The following ST6GALNAC3 variants were observed in gnomAD, a reference collection of about 807,000 sequenced individuals.
ST6GALNAC3 encodes ST6 N-acetylgalactosaminide alpha-2,6-sialyltransferase 3, also known as alpha-N-acetylgalactosaminide alpha-2,6-sialyltransferase 3.
A neutral mutation model predicts 32.7 loss-of-function variants in ST6GALNAC3; 25 were observed. The ratio of observed to expected loss-of-function variants is 0.76; its 90% CI spans 0.56 to 1.07. The LOEUF (loss-of-function observed/expected upper bound fraction) is 1.07. Among genes scored for constraint, ST6GALNAC3 ranks in the 50% least tolerant of loss-of-function variants. ST6GALNAC3 has a pLI of 0.00. For synonymous variants in ST6GALNAC3, 129 were observed against 133.1 expected, an observed-to-expected ratio of 0.97 and a Z score of 0.21; for missense variants, 355 against 382.4, an observed-to-expected ratio of 0.93 and a Z score of 0.60.
chr1:76,101,497 G>A (rs1363977592), intron 1 of ST6GALNAC3, among the ~76,000 whole-genome samples: 1 of 152,176 alleles, frequency 6.6e-6, no homozygotes, highest in African/African-American at 2.4e-5. Flanking sequence ...CCTATATGAA[G>A]ATTTGTGTGG....
intron 3 of ST6GALNAC3, chr1:76,577,062 A>G (rs925229215): frequency 1.8e-6 from 2 of 1,142,318 alleles, no homozygotes; most frequent in Non-Finnish European, 1.1e-6. Context: ...GACTTGCTGC[A>G]TAATTATTCA....
chr1:76,085,615 A>G lies in ST6GALNAC3; in HGVS notation c.18+10731A>G, dbSNP rs576861828. ...CTTGAACTACATCAGGACCACTGGA[A>G]GGGACGGTTGTACTAGAGTTTGCTA... On this transcript the variant is annotated intron_variant, in intron 1 of 4. Transcript: ENST00000328299. 2.0e-5 allele frequency among the ~76,000 whole-genome samples: 3 copies of G among 152,334 alleles called. No homozygotes were observed. In the South Asian group the frequency reaches 6.2e-4, roughly 32 times the overall value.
At chr1:76,220,224 C>T (rs1489921297) in intron 1 of ST6GALNAC3, among the ~76,000 whole-genome samples, 2 of 152,026 alleles carry the variant, frequency 1.3e-5, no homozygotes, top group African/African-American at 4.8e-5. Flanking sequence ...TGCAATGTAA[C>T]AGTCTGCTTC....
At chr1:76,468,487 T>C (rs1353147182) in intron 3 of ST6GALNAC3, among the ~76,000 whole-genome samples, 1 of 152,022 alleles carries the variant, frequency 6.6e-6, no homozygotes, top group Non-Finnish European at 1.5e-5. Context: ...TTGAAAGAGA[T>C]TGGCCTCGAA....
downstream of ST6GALNAC3, among the ~76,000 whole-genome samples, chr1:76,635,817 G>C (rs1013696266): frequency 2.0e-5 from 3 of 152,022 alleles, no homozygotes; most frequent in Non-Finnish European, 4.4e-5. Context: ...AGGATCTTGT[G>C]CTGGAAGGTT....
chr1:76,363,924 A>G (rs1270519308), intron 2 of ST6GALNAC3, among the ~76,000 whole-genome samples: 1 of 152,124 alleles, frequency 6.6e-6, no homozygotes, highest in Non-Finnish European at 1.5e-5. Context: ...ACTATTCATG[A>G]TAATCTTCCC....
intron 1 of ST6GALNAC3, among the ~76,000 whole-genome samples, chr1:76,094,934 C>G (rs536563132): frequency 1.3e-5 from 2 of 151,604 alleles, no homozygotes; most frequent in East Asian, 3.9e-4. Flanking sequence ...CTCAACATCA[C>G]TCACCAACCT....
intron 3 of ST6GALNAC3, among the ~76,000 whole-genome samples, chr1:76,483,190 T>G (rs1380296660): frequency 6.6e-6 from 1 of 152,190 alleles, no homozygotes; most frequent in Admixed American, 6.5e-5. Flanking sequence ...AACATACGTG[T>G]GCATGTGTCT....
At chr1:76,220,699 C>T (rs1655714862) in intron 1 of ST6GALNAC3, among the ~76,000 whole-genome samples, 2 of 152,120 alleles carry the variant, frequency 1.3e-5, no homozygotes, top group South Asian at 4.1e-4. Flanking sequence ...TGAGTGTTAA[C>T]CTGGTGGAGC....
intron 3 of ST6GALNAC3, among the ~76,000 whole-genome samples, chr1:76,525,791 G>GTGTGTGTATATATATA (rs1438917629): frequency 2.6e-5 from 2 of 75,530 alleles, no homozygotes; most frequent in Non-Finnish European, 6.0e-5. Context: ...GTGTGTGTGT[G>GTGTGTGTATATATATA]TATATATATA....
At chr1:76,363,729 C>G (rs1581799) in intron 2 of ST6GALNAC3, among the ~76,000 whole-genome samples, 124,462 of 152,140 alleles carry the variant, frequency 0.82, 52,205 homozygotes, top group East Asian at 0.98. Context: ...CTGGCATCTC[C>G]TCTGCTTCTG....
At chr1:76,356,454 C>G (rs1368340686) in intron 2 of ST6GALNAC3, among the ~76,000 whole-genome samples, 1 of 64,092 alleles carries the variant, frequency 1.6e-5, no homozygotes. Context: ...AAAAAAAAAG[C>G]CTAATAGAAT....
At chr1:76,307,833 T>G (rs569554918) in intron 1 of ST6GALNAC3, 184 of 492,902 alleles carry the variant, frequency 3.7e-4, no homozygotes, top group Admixed American at 3.7e-3. Flanking sequence ...GTCCGGATCT[T>G]TGCACTTGTG....
intron 3 of ST6GALNAC3, among the ~76,000 whole-genome samples, chr1:76,485,286 C>T (rs1422082028): frequency 6.6e-6 from 1 of 152,146 alleles, no homozygotes; most frequent in Non-Finnish European, 1.5e-5. Flanking sequence ...GGAATAGTTT[C>T]AGAAGGAATG....
At chr1:76,446,492 C>T (rs978470166) in intron 3 of ST6GALNAC3, among the ~76,000 whole-genome samples, 1 of 152,150 alleles carries the variant, frequency 6.6e-6, no homozygotes, top group African/African-American at 2.4e-5. Context: ...CTATTCAGCC[C>T]TCCCTCCTAC....
rs78120204 is a variant in ST6GALNAC3 at position 76,520,805 on chromosome 1, T to G, written c.624-106647T>G. Among the ~76,000 whole-genome samples the G allele has an allele frequency of 3.8e-3, 572 of 152,300 alleles. 2 individuals are homozygous for G. The highest frequency in any genetic ancestry group is 0.013 in the African/African-American group (536 of 41,558). On this transcript the variant is annotated intron_variant, in intron 3 of 4. Coordinates refer to ENST00000328299, the MANE Select transcript of ST6GALNAC3 (RefSeq NM_152996.4). ...ATCAATATAGCCATACCAGTTTTAT[T>G]TGGTTTGTAACTACATGGTACACAG...
At chr1:76,409,266 T>C (rs1438422642) in intron 2 of ST6GALNAC3, among the ~76,000 whole-genome samples, 1 of 152,072 alleles carries the variant, frequency 6.6e-6, no homozygotes, top group Admixed American at 6.6e-5. Flanking sequence ...TGAGAAACCT[T>C]ACTGTGTTAG....
At chr1:76,522,243 T>C (rs1361995179) in intron 3 of ST6GALNAC3, among the ~76,000 whole-genome samples, 1 of 152,212 alleles carries the variant, frequency 6.6e-6, no homozygotes, top group East Asian at 1.9e-4. Context: ...TTTTTAAAAA[T>C]CAGTTTTTCT....
At chr1:76,430,835 A>T (rs898580865) in intron 3 of ST6GALNAC3, among the ~76,000 whole-genome samples, 1 of 152,058 alleles carries the variant, frequency 6.6e-6, no homozygotes, top group Non-Finnish European at 1.5e-5. Flanking sequence ...TCAATTTCGT[A>T]AGCACTTGAA....
Sources: allele counts gnomAD v4.1 joint callset (sites outside exome capture counted in the v4.1 genomes callset), GRCh38; gene constraint gnomAD v4.1.1; transcripts MANE v1.5; gene names NCBI Gene and HGNC (gene_info 2026-07-23, HGNC 2026-07-21).